Variants in FAAP100 observed in about 807,000 individuals in gnomAD.
The protein encoded by FAAP100 is Fanconi anemia core complex-associated protein 100.
A neutral mutation model predicts 65.8 loss-of-function variants in FAAP100; 46 were observed. That is an observed-to-expected ratio of 0.70 (90% CI 0.55 to 0.89). FAAP100 has a LOEUF of 0.89. Ranked by LOEUF, FAAP100 falls within the 40% of genes least tolerant of loss-of-function variation. The probability of loss-of-function intolerance (pLI) is 0.00; values close to 1 mark genes in which losing one functional copy is unlikely to be tolerated. For synonymous variants in FAAP100, 663 were observed against 555.1 expected (o/e 1.19, Z -2.73); for missense variants, 1,165 against 1,196.7 (o/e 0.97, Z 0.39).
intron 5 of FAAP100, chr17:81,546,634 G>A (rs898286826): frequency 2.7e-5 from 10 of 370,496 alleles, no homozygotes; most frequent in East Asian, 1.2e-4. Flanking sequence ...AGCAGAGCTC[G>A]CTGGGCTGGG....
intron 7 of FAAP100, among the ~76,000 whole-genome samples, chr17:81,542,499 C>A (rs768785493): frequency 6.6e-6 from 1 of 152,122 alleles, no homozygotes; most frequent in Non-Finnish European, 1.5e-5. Context: ...ACTGGCCTGC[C>A]GGGGGCTCCA....
Position 81,552,218 on chromosome 17 carries a change from G to A in FAAP100, c.113C>T (p.Ser38Phe). 6.7e-7 allele frequency: 1 copy of A among 1,500,458 alleles called. No homozygotes were observed. The highest frequency in any genetic ancestry group is 8.8e-7 in the Non-Finnish European group (1 of 1,131,488). The allele number at this position is 1,500,458 out of a possible 1,614,324, so 92.9% of individuals were successfully genotyped here. Residue 38 changes from serine (S) to phenylalanine (F), a missense_variant, in exon 1 of 9, where the codon TCC (serine) becomes TTC (phenylalanine). Ser to Phe is a radical substitution (Grantham distance 155, BLOSUM62 -2). Transcript: ENST00000327787. ...CACGTAGACGAGCTCGCTCCCGGTG[G>A]ACAGGAAGACCTCTGCCTCATGGCA... ...VLCHEAEVFLSTGSELVYVYD... is the reference protein window; with the variant it reads ...VLCHEAEVFLFTGSELVYVYD...
chr17:81,543,286 TAAC>T (rs1488212671), intron 7 of FAAP100, among the ~76,000 whole-genome samples: 3 of 152,086 alleles, frequency 2.0e-5, no homozygotes, highest in African/African-American at 7.2e-5. Context: ...TGCACGTTGA[TAAC>T]AAGCCCAGGT....
rs373895076 is a variant in FAAP100 at position 81,545,675 on chromosome 17, G to A, written c.2310+71C>T. The A allele has an allele frequency of 1.4e-4, 213 of 1,532,614 alleles. 3 individuals carry two copies. In the East Asian group the frequency reaches 1.7e-3, roughly 12 times the overall value. The allele number at this position is 1,532,614 out of a possible 1,614,324, so 94.9% of individuals were successfully genotyped here. On this transcript the variant is annotated intron_variant, in intron 6 of 8. Transcript: ENST00000327787. ...CCCACCCAGGGTGAGGGGTCCTCCC[G>A]AGCTCCGGCCCAGGGGCCCCACCCC... is the stretch of plus-strand genomic sequence containing the variant.
rs1481519022 is a variant in FAAP100 at position 81,547,497 on chromosome 17, G to A, written c.1585C>T (p.Leu529=). 19 of 1,613,314 alleles carry A rather than the reference G, an allele frequency of 1.2e-5. No homozygotes were observed. Among genetic ancestry groups the A allele is most frequent in the Non-Finnish European group, 1.5e-5 (18 of 1,180,044 alleles). The part of the protein sequence containing the change: ...TQDVLMATCV[L]ENSSSFSLDQ... The stretch of plus-strand genomic sequence containing the variant: ...AGGCTGAAGCTGCTGCTGTTCTCTA[G>A]CACGCAGGTGGCCATGAGCACATCC... The change falls in exon 5 of 9, where the codon CTA becomes TTA. Residue 529 remains leucine, a synonymous_variant. Coordinates refer to ENST00000327787, the MANE Select transcript of FAAP100 (RefSeq NM_025161.6).
Position 81,547,650 on chromosome 17 carries a change from G to A in FAAP100, c.1432C>T (p.Gln478Ter). The A allele has an allele frequency of 6.2e-7, 1 of 1,610,908 alleles. No homozygotes were observed. The highest frequency in any genetic ancestry group is 8.5e-7 in the Non-Finnish European group (1 of 1,178,096). ...RVSFLKKAVD[Q>*]RNKALTSLNE... ...AGGCTTGTCAGTGCCTTGTTCCGCT[G>A]GTCAACCGCCTTCTTTAGAAAAGAC... is the stretch of plus-strand genomic sequence containing the variant. The change falls in exon 5 of 9, where the codon CAG becomes TAG. Residue 478 changes from glutamine to a stop codon, truncating the protein, a stop_gained. Transcript: ENST00000327787. LOFTEE classifies it high-confidence loss of function.
rs755628220 is a variant in FAAP100, at chr17:81,545,889, G to A, written c.2174-7C>T. 3.7e-6 allele frequency: 6 copies of A among 1,603,274 alleles called. No individual in the cohort carries two copies. In the African/African-American group the frequency reaches 5.3e-5, roughly 14 times the overall value. On this transcript the variant is annotated splice_region_variant and splice_polypyrimidine_tract_variant and intron_variant, in intron 5 of 8. Transcript: ENST00000327787. ...GCACAGCACAGGGGCACGCCTGGAG[G>A]GGAGGCATCAGCCGAGAGCTCAGCC...
chr17:81,550,654 C>T lies in FAAP100; in HGVS notation c.840G>A (p.Glu280=). ...ALVKILHHLE[E]PVIFIGALKT... ...TCAAGGCCCCTATGAAGATGACGGG[C>T]TCCTCCAGGTGATGGAGGATCTTGA... The change falls in exon 3 of 9, where the codon GAG becomes GAA. Residue 280 remains glutamate, a synonymous_variant. Coordinates refer to ENST00000327787, the MANE Select transcript of FAAP100 (RefSeq NM_025161.6). The T allele has an allele frequency of 6.2e-7, 1 of 1,613,058 alleles. No individual in the cohort carries two copies. Among genetic ancestry groups the T allele is most frequent in the South Asian group, 1.1e-5 (1 of 91,090 alleles).
intron 4 of FAAP100, among the ~76,000 whole-genome samples, chr17:81,548,815 G>A (rs1225469427): frequency 5.9e-5 from 9 of 151,490 alleles, no homozygotes; most frequent in Admixed American, 6.6e-5. Flanking sequence ...TGAGGCAGAC[G>A]GATCACGAGG....
At position 81,547,384 on chromosome 17, in the gene FAAP100, G is replaced by A. The variant is rs2033346119; in HGVS notation, c.1698C>T (p.Thr566=). 2 of 1,612,904 alleles carry A rather than the reference G, an allele frequency of 1.2e-6. No individual in the cohort carries two copies. The highest frequency in any genetic ancestry group is 1.7e-5 in the Admixed American group (1 of 60,028). ...LDSACSAITY[T]IPVDQLGPGA... ...CGGGGCCGAGCTGGTCCACGGGGAT[G>A]GTGTAGGTGATGGCGGAGCAGGCCG... is the stretch of plus-strand genomic sequence containing the variant. The change falls in exon 5 of 9, where the codon ACC becomes ACT. Residue 566 remains threonine, a synonymous_variant. Coordinates refer to ENST00000327787, the MANE Select transcript of FAAP100 (RefSeq NM_025161.6).
chr17:81,540,683 G>A lies in FAAP100; in HGVS notation c.*136C>T. The stretch of plus-strand genomic sequence containing the variant: ...CTCCAAGCACTTTCATGAGCGTTCT[G>A]CTCCTACGTGGCCAGGTCCTACCTT... On this transcript the variant is annotated 3_prime_UTR_variant, in exon 9 of 9. Transcript: ENST00000327787. 8.5e-7 allele frequency: 1 copy of A among 1,181,358 alleles called. No homozygotes were observed. Among genetic ancestry groups the A allele is most frequent in the Non-Finnish European group, 1.1e-6 (1 of 888,328 alleles). The allele number at this position is 1,181,358 out of a possible 1,614,324, so 73.2% of individuals were successfully genotyped here.
intron 8 of FAAP100, among the ~76,000 whole-genome samples, 163 bp downstream of exon 8, chr17:81,541,146 G>T (rs1328562516): frequency 6.6e-6 from 1 of 152,324 alleles, no homozygotes; most frequent in East Asian, 1.9e-4. Context: ...TAGGATGAGG[G>T]GCAGGAAGAG....
intron 4 of FAAP100, 145 bp from the exon 5 acceptor site, chr17:81,547,823 C>T (rs142603677): frequency 2.2e-4 from 226 of 1,027,954 alleles, no homozygotes; most frequent in Middle Eastern, 1.4e-3. Context: ...AGTGAGCCCC[C>T]GCCCCAGGGG....
intron 3 of FAAP100, among the ~76,000 whole-genome samples, 181 bp downstream of exon 3, chr17:81,550,067 G>A (rs776950500): frequency 1.3e-5 from 2 of 152,178 alleles, no homozygotes. Context: ...CAACAGGTAG[G>A]CCCACCACCA....
At chr17:81,551,620 A>C in intron 2 of FAAP100, 1 of 1,161,182 alleles carries the variant, frequency 8.6e-7, no homozygotes, top group Non-Finnish European at 1.1e-6. Flanking sequence ...TCCTCCCTCC[A>C]ATAAAGACCC....
At chr17:81,545,029 G>C (rs1229411758) in intron 6 of FAAP100, among the ~76,000 whole-genome samples, 1 of 152,232 alleles carries the variant, frequency 6.6e-6, no homozygotes, top group African/African-American at 2.4e-5. Context: ...AATTAGCTGG[G>C]TGTGGTGGTG....
At position 81,549,254 on chromosome 17, in the gene FAAP100, C is replaced by T. The variant is rs768213725; in HGVS notation, c.1355G>A (p.Gly452Asp). 2.5e-6 allele frequency: 4 copies of T among 1,613,026 alleles called. No individual in the cohort carries two copies. Among genetic ancestry groups the T allele is most frequent in the East Asian group, 4.5e-5 (2 of 44,886 alleles). ...AGACAGCAGCTCCTTTATTTTCTGACCTGCACTCTCTGTGGTCATCCTGGC... is the reference window on the plus strand; with the variant it reads ...AGACAGCAGCTCCTTTATTTTCTGATCTGCACTCTCTGTGGTCATCCTGGC... Reference protein sequence around the residue: ...GPARMTTESAGQKIKELLSGI... With the variant: ...GPARMTTESADQKIKELLSGI... The change falls in exon 4 of 9, where the codon GGT (glycine) becomes GAT (aspartate). Residue 452 changes from glycine to aspartate, a missense_variant. By Grantham distance (94) the Gly-to-Asp change is moderately conservative (BLOSUM62 -1). Transcript: ENST00000327787.
At chr17:81,543,731 T>C (rs1043683412) in intron 7 of FAAP100, among the ~76,000 whole-genome samples, 1 of 152,074 alleles carries the variant, frequency 6.6e-6, no homozygotes, top group Non-Finnish European at 1.5e-5. Flanking sequence ...ACTGGCCTTG[T>C]AGCCCGGGCA....
intron 4 of FAAP100, chr17:81,548,290 G>A: frequency 4.4e-6 from 2 of 455,870 alleles, no homozygotes; most frequent in Non-Finnish European, 7.9e-6. Context: ...TGTGCTGAGA[G>A]CAGGGAGGGT....
Sources: gnomAD v4.1 joint callset for allele counts (sites outside exome capture counted in the v4.1 genomes callset) on GRCh38, gnomAD v4.1.1 for gene constraint, MANE v1.5 for transcripts, NCBI Gene and HGNC (gene_info 2026-07-23, HGNC 2026-07-21) for gene names.